The following SCRN1 variants were observed in gnomAD, a reference collection of about 807,000 sequenced individuals.
The protein encoded by SCRN1 is secernin-1.
Under a neutral mutation model 43.3 loss-of-function variants are expected in SCRN1, and 19 were observed. The observed-to-expected ratio is 0.44, with a 90% CI of 0.31 to 0.64. The LOEUF (loss-of-function observed/expected upper bound fraction) is 0.64, where lower values mean the gene tolerates loss of function less well. SCRN1 is among the 30% of genes least tolerant of loss of function. The pLI, the probability that SCRN1 is intolerant of heterozygous loss-of-function variation, is 0.09. For missense variants in SCRN1, 447 were observed against 524.1 expected (o/e 0.85, Z 1.44); for synonymous variants, 183 against 188.9 (o/e 0.97, Z 0.26).
At chr7:29,957,316 A>G (rs1055838747) in intron 2 of SCRN1, among the ~76,000 whole-genome samples, 1 of 152,192 alleles carries the variant, frequency 6.6e-6, no homozygotes, top group African/African-American at 2.4e-5. Flanking sequence ...AATTCCTACG[A>G]GCCCAGGCCA....
At chr7:29,945,259 T>A (rs887032647) in intron 3 of SCRN1, among the ~76,000 whole-genome samples, 3 of 152,154 alleles carry the variant, frequency 2.0e-5, no homozygotes, top group Non-Finnish European at 2.9e-5. Context: ...CCCACCCAAA[T>A]CTCAAATTAC....
At chr7:29,924,195 C>G (rs970364485) in intron 7 of SCRN1, 80 bp from the exon 8 acceptor site, 3 of 1,433,546 alleles carry the variant, frequency 2.1e-6, no homozygotes, top group Middle Eastern at 2.6e-4. Flanking sequence ...CTCTAGGGGG[C>G]CAGCTGGCTT....
At chr7:29,940,658 A>C in intron 5 of SCRN1, 24 bp downstream of exon 5, 1 of 1,569,198 alleles carries the variant, frequency 6.4e-7, no homozygotes, top group South Asian at 1.2e-5. Context: ...GAGAAGGAGA[A>C]TCGTGAGGGA....
intron 1 of SCRN1, among the ~76,000 whole-genome samples, chr7:29,973,205 T>C (rs1047196643): frequency 2.6e-5 from 4 of 152,246 alleles, no homozygotes; most frequent in African/African-American, 4.8e-5. Flanking sequence ...AAGGTAATCA[T>C]AGCTGTAGAT....
At chr7:29,969,218 G>T in intron 1 of SCRN1, 150 bp from the exon 2 acceptor site, 1 of 881,200 alleles carries the variant, frequency 1.1e-6, no homozygotes, top group Non-Finnish European at 1.7e-6. Flanking sequence ...GGCAAATGAA[G>T]GTGGGACGCC....
At position 29,952,694 on chromosome 7, in the gene SCRN1, AAG is replaced by A. The variant is rs372707934; in HGVS notation, c.341+2483_341+2484del. Among the ~76,000 whole-genome samples the A allele has an allele frequency of 6.8e-4, 101 of 148,936 alleles. 1 individual carries two copies. In the South Asian group the frequency reaches 8.7e-3, roughly 13 times the overall value. On this transcript the variant is annotated intron_variant, in intron 3 of 7. Transcript: ENST00000242059. ...GAGCAAGACTTGTCTAAAAAAAAAA[AAG>A]AGAGAGAGAGAGAGAATGCTGGGTA...
At chr7:29,959,652 A>G (rs567957633) in intron 2 of SCRN1, among the ~76,000 whole-genome samples, 23 of 152,274 alleles carry the variant, frequency 1.5e-4, no homozygotes, top group Admixed American at 1.0e-3. Flanking sequence ...TAAGGTTCAT[A>G]TAAGTTTAAA....
At chr7:29,952,700 G>C (rs1030541566) in intron 3 of SCRN1, among the ~76,000 whole-genome samples, 5 of 151,126 alleles carry the variant, frequency 3.3e-5, no homozygotes, top group Admixed American at 6.6e-5. Flanking sequence ...AAAAAAGAGA[G>C]AGAGAGAGAG....
chr7:29,977,203 C>T lies in SCRN1; in HGVS notation c.-1-8135G>A, dbSNP rs555441440. 1.9e-4 allele frequency among the ~76,000 whole-genome samples: 29 copies of T among 152,294 alleles called. No homozygotes were observed. In the South Asian group the frequency reaches 4.4e-3, roughly 23 times the overall value. ...ACCGATGACCAACTGCCTTTACTTA[C>T]GTAAAGAATGAAACCCAAATGTCCA... On this transcript the variant is annotated intron_variant, in intron 1 of 7. Coordinates refer to ENST00000242059, the MANE Select transcript of SCRN1 (RefSeq NM_014766.5).
At chr7:29,981,845 A>ATG (rs1357832014) in intron 1 of SCRN1, among the ~76,000 whole-genome samples, 1 of 152,182 alleles carries the variant, frequency 6.6e-6, no homozygotes, top group African/African-American at 2.4e-5. Context: ...CATCCCTTCC[A>ATG]CCTATGAGAG....
chr7:29,938,447 TAAACTGGCCCCA>T (rs765558977), intron 5 of SCRN1, among the ~76,000 whole-genome samples: 1 of 152,214 alleles, frequency 6.6e-6, no homozygotes, highest in Non-Finnish European at 1.5e-5. Flanking sequence ...AATCTGGCCA[TAAACTGGCCCCA>T]AAACTGGCCA....
chr7:29,926,479 C>A lies in SCRN1; in HGVS notation c.1059G>T (p.Trp353Cys). 6.2e-7 allele frequency: 1 copy of A among 1,613,680 alleles called. No homozygotes were observed. Among genetic ancestry groups the A allele is most frequent in the Non-Finnish European group, 8.5e-7 (1 of 1,179,862 alleles). The change falls in exon 7 of 8, where the codon TGG (tryptophan) becomes TGT (cysteine). Residue 353 changes from tryptophan to cysteine, a missense_variant. Coordinates refer to ENST00000242059, the MANE Select transcript of SCRN1 (RefSeq NM_014766.5). ...GGTCACTTTCGATGATGGCACGTGCCCACTCGTGGGCTTTGTACAGCTCAT... is the reference window on the plus strand; with the variant it reads ...GGTCACTTTCGATGATGGCACGTGCACACTCGTGGGCTTTGTACAGCTCAT... ...RRHELYKAHE[W>C]ARAIIESDQE...
In SCRN1 at chr7:29,940,968, C is replaced by T. The variant is rs1787524536; in HGVS notation, c.545-92G>A. On this transcript the variant is annotated intron_variant, in intron 4 of 7. Transcript: ENST00000242059. Reference sequence around the variant, plus strand: ...TGTATAGGGAATCCTTTTCCTGAAACACTGACTTTAACTACAGGGAGGAAT... The same window carrying T: ...TGTATAGGGAATCCTTTTCCTGAAATACTGACTTTAACTACAGGGAGGAAT... The T allele has an allele frequency of 2.7e-6, 3 of 1,093,892 alleles. No homozygotes were observed. In the South Asian group the frequency reaches 6.5e-5, roughly 24 times the overall value. The allele number at this position is 1,093,892 out of a possible 1,614,324, so 67.8% of individuals were successfully genotyped here.
intron 2 of SCRN1, among the ~76,000 whole-genome samples, chr7:29,956,891 C>CA (rs1389285022): frequency 6.6e-6 from 1 of 152,114 alleles, no homozygotes; most frequent in African/African-American, 2.4e-5. Context: ...GAGCAGTAAT[C>CA]AAACTCTGCT....
At chr7:29,934,879 G>T (rs1023840616) in intron 6 of SCRN1, among the ~76,000 whole-genome samples, 8 of 152,220 alleles carry the variant, frequency 5.3e-5, no homozygotes, top group African/African-American at 1.9e-4. Flanking sequence ...GTCACCTAGT[G>T]ACCAGCATCA....
rs1024897311 is a variant in SCRN1 at position 29,950,610 on chromosome 7, C to T, written c.341+4569G>A. The stretch of plus-strand genomic sequence containing the variant: ...GCTTTTTCCAGGCTTGCCCATGACC[C>T]GATCAGCACACACTTCCTCCCTTCT... On this transcript the variant is annotated intron_variant, in intron 3 of 7. Transcript: ENST00000242059. This position sits in a 1 kb window ranked among gnomAD's most constrained non-coding sequence, Gnocchi z 4.5. 2.0e-5 allele frequency among the ~76,000 whole-genome samples: 3 copies of T among 152,174 alleles called. No homozygotes were observed. Among genetic ancestry groups the T allele is most frequent in the Non-Finnish European group, 4.4e-5 (3 of 68,026 alleles).
At chr7:29,960,475 ACT>A (rs1414876779) in intron 2 of SCRN1, among the ~76,000 whole-genome samples, 2 of 152,048 alleles carry the variant, frequency 1.3e-5, no homozygotes, top group African/African-American at 4.8e-5. Flanking sequence ...CCAAAGAAAG[ACT>A]CTTTTAAAAA....
upstream of SCRN1, chr7:29,989,931 G>T: frequency 8.8e-7 from 1 of 1,142,440 alleles, no homozygotes; most frequent in Non-Finnish European, 1.1e-6. Context: ...CACGGGCCGC[G>T]GCGCTGCTCA....
chr7:29,953,026 A>G (rs1583672030), intron 3 of SCRN1, among the ~76,000 whole-genome samples: 1 of 152,220 alleles, frequency 6.6e-6, no homozygotes, highest in Non-Finnish European at 1.5e-5. Context: ...TGTGACAAAC[A>G]TATCTTCTGT....
Sources: allele counts gnomAD v4.1 joint callset (sites outside exome capture counted in the v4.1 genomes callset), GRCh38; gene constraint gnomAD v4.1.1; non-coding constraint Gnocchi (gnomAD v3.1); transcripts MANE v1.5; gene names NCBI Gene and HGNC (gene_info 2026-07-23, HGNC 2026-07-21).